The following CRB2 variants were observed in gnomAD, a reference collection of about 807,000 sequenced individuals.
CRB2 encodes the protein protein crumbs homolog 2.
In CRB2, 85 loss-of-function variants were observed where a neutral mutation model predicts 110.9. The observed-to-expected ratio is 0.77, with a 90% CI of 0.64 to 0.92. CRB2 has a LOEUF of 0.92. Ranked by LOEUF, CRB2 falls within the 40% of genes least tolerant of loss-of-function variation. The pLI, the probability that CRB2 is intolerant of heterozygous loss-of-function variation, is 0.00. For missense variants in CRB2, 1,843 were observed against 1,851.3 expected (o/e 1.00, Z 0.08); for synonymous variants, 907 against 831.0 (o/e 1.09, Z -1.57).
intron 1 of CRB2, among the ~76,000 whole-genome samples, chr9:123,358,324 A>AG (rs1016082564): frequency 6.6e-6 from 1 of 152,198 alleles, no homozygotes; most frequent in African/African-American, 2.4e-5. Flanking sequence ...AGCATCTTGG[A>AG]GTACAATGGG....
At chr9:123,366,479 G>A (rs1448949207) in intron 4 of CRB2, 113 bp downstream of exon 4, 2 of 1,289,640 alleles carry the variant, frequency 1.6e-6, no homozygotes, top group African/African-American at 1.6e-5. Context: ...TGGGTCCTCG[G>A]GACCAGAGTG....
intron 2 of CRB2, among the ~76,000 whole-genome samples, chr9:123,364,759 C>G (rs1329115913): frequency 6.6e-6 from 1 of 152,148 alleles, no homozygotes; most frequent in Non-Finnish European, 1.5e-5. Context: ...TATCTGAAAC[C>G]CTGGGACTCC....
At chr9:123,367,774 G>A in intron 6 of CRB2, 88 bp downstream of exon 6, 3 of 894,566 alleles carry the variant, frequency 3.4e-6, no homozygotes, top group Non-Finnish European at 5.2e-6. Flanking sequence ...GTGGATTGAT[G>A]GGGTCAAGGA....
chr9:123,379,685 C>G (rs542107100), downstream of CRB2: 21 of 152,430 alleles, frequency 1.4e-4, no homozygotes, highest in African/African-American at 5.0e-4. Context: ...ATTGAATGCA[C>G]ACAAAGTTCA....
Position 123,371,587 on chromosome 9 carries a change from CTGGTGGCGGTGGTGG to C in CRB2, c.2436+16_2436+30del, listed in dbSNP as rs931884641. ...CCGAGGACATGTGCAGTGTAAGTGT[CTGGTGGCGGTGGTGG>C]TGGTGGGGTGGGGAGTCCTTTTCCC... On this transcript the variant is annotated intron_variant, in intron 8 of 12. Transcript: ENST00000373631. The C allele has an allele frequency of 2.1e-5, 34 of 1,611,966 alleles. No homozygotes were observed. Among genetic ancestry groups the C allele is most frequent in the Non-Finnish European group, 2.8e-5 (33 of 1,180,014 alleles).
At position 123,374,692 on chromosome 9, in the gene CRB2, A is replaced by G. The variant is rs916789116; in HGVS notation, c.3503A>G (p.Gln1168Arg). 2 of 1,606,872 alleles carry G rather than the reference A, an allele frequency of 1.2e-6. No individual in the cohort carries two copies. The highest frequency in any genetic ancestry group is 1.7e-6 in the Non-Finnish European group (2 of 1,177,840). Residue 1168 changes from glutamine (Q) to arginine (R), a missense_variant, in exon 11 of 13, where the codon CAG becomes CGG. Coordinates refer to ENST00000373631, the MANE Select transcript of CRB2 (RefSeq NM_173689.7). ...NCSCLEGLAGQRCQVPTLPCE... is the reference protein window; with the variant it reads ...NCSCLEGLAGRRCQVPTLPCE... The stretch of plus-strand genomic sequence containing the variant: ...AGCTGCCTGGAGGGTCTTGCTGGCC[A>G]GAGGTGGGTCTGGGGGCCTGGGAAC...
rs1388070168 is a variant in CRB2 at position 123,362,963 on chromosome 9, C to T, written c.193C>T (p.Pro65Ser). Residue 65 changes from proline to serine, a missense_variant, in exon 2 of 13, where the codon CCC becomes TCC. By Grantham distance (74) the Pro-to-Ser change is moderately conservative (BLOSUM62 -1). Coordinates refer to ENST00000373631, the MANE Select transcript of CRB2 (RefSeq NM_173689.7). Reference protein sequence around the residue: ...ATESGGYTCGPMEPRGCATQP... With the variant: ...ATESGGYTCGSMEPRGCATQP... ...CGAGAGTGGTGGCTATACCTGTGGG[C>T]CCATGGAGCCCCGGGGCTGTGCCAC... 3 of 1,611,456 alleles carry T rather than the reference C, an allele frequency of 1.9e-6. No individual in the cohort carries two copies. In the South Asian group the frequency reaches 3.3e-5, roughly 18 times the overall value.
chr9:123,373,462 G>A lies in CRB2; in HGVS notation c.2931G>A (p.Leu977=). 1 of 1,455,616 alleles carries A rather than the reference G, an allele frequency of 6.9e-7. No homozygotes were observed. 90.2% of individuals were successfully genotyped at this position (1,455,616 alleles called of 1,614,324 possible). A position where few individuals can be genotyped will look rare whatever the true frequency, so the allele number is the denominator to read the frequency against. Residue 977 remains leucine (L), a synonymous_variant, in exon 10 of 13, where the codon CTG becomes CTA. Transcript: ENST00000373631. Reference sequence around the variant, plus strand: ...CCACCTCGCGCTGGCTGCTGTGGCTGGATGGTGCCGCCACCCCGGTGGCGC... The same window carrying A: ...CCACCTCGCGCTGGCTGCTGTGGCTAGATGGTGCCGCCACCCCGGTGGCGC... ...AATTSRWLLW[L]DGAATPVALR... is the part of the protein sequence containing the mutation.
intron 1 of CRB2, among the ~76,000 whole-genome samples, chr9:123,362,162 G>A (rs2041875863): frequency 6.6e-6 from 1 of 152,226 alleles, no homozygotes; most frequent in African/African-American, 2.4e-5. Context: ...GGTGGGTAGT[G>A]ATGTGGAGAA....
chr9:123,371,849 G>C (rs936071356), intron 8 of CRB2, among the ~76,000 whole-genome samples: 1 of 152,170 alleles, frequency 6.6e-6, no homozygotes, highest in Admixed American at 6.5e-5. Context: ...ATAGAGAGCT[G>C]CCTGAGCCTT....
At chr9:123,376,756 G>A (rs1488934167) in intron 12 of CRB2, 82 bp from the exon 13 acceptor site, 2 of 1,299,488 alleles carry the variant, frequency 1.5e-6, no homozygotes, top group Non-Finnish European at 1.1e-6. Flanking sequence ...GTAGGTCCTT[G>A]TGCTGCGCTC....
intron 2 of CRB2, among the ~76,000 whole-genome samples, chr9:123,364,878 G>A (rs995605565): frequency 1.3e-5 from 2 of 152,178 alleles, no homozygotes; most frequent in Non-Finnish European, 2.9e-5. Context: ...CTAAAACCAG[G>A]ACAGTGCAGG....
At chr9:123,360,726 C>G (rs1275308736) in intron 1 of CRB2, among the ~76,000 whole-genome samples, 1 of 152,186 alleles carries the variant, frequency 6.6e-6, no homozygotes, top group African/African-American at 2.4e-5. Context: ...ATTCCAGCCT[C>G]CCTTGGGCTG....
Position 123,373,374 on chromosome 9 carries a change from G to C in CRB2, c.2843G>C (p.Gly948Ala). 1 of 1,431,840 alleles carries C rather than the reference G, an allele frequency of 7.0e-7. No homozygotes were observed. Among genetic ancestry groups the C allele is most frequent in the South Asian group, 1.4e-5 (1 of 72,286 alleles). The allele number at this position is 1,431,840 out of a possible 1,614,324, so 88.7% of individuals were successfully genotyped here. Reference protein sequence around the residue: ...GLPGAVLPIPGPRVADGAWHR... With the variant: ...GLPGAVLPIPAPRVADGAWHR... ...CCCGGCGCTGTGCTGCCCATACCGGGGCCGCGCGTGGCCGATGGTGCCTGG... is the reference window on the plus strand; with the variant it reads ...CCCGGCGCTGTGCTGCCCATACCGGCGCCGCGCGTGGCCGATGGTGCCTGG... The change falls in exon 10 of 13, where the codon GGG (glycine) becomes GCG (alanine). Residue 948 changes from glycine (G) to alanine (A), a missense_variant. Coordinates refer to ENST00000373631, the MANE Select transcript of CRB2 (RefSeq NM_173689.7).
chr9:123,372,323 G>C lies in CRB2; in HGVS notation c.2583G>C (p.Glu861Asp), dbSNP rs2042028576. The C allele has an allele frequency of 1.2e-6, 2 of 1,601,712 alleles. No individual in the cohort carries two copies. Among genetic ancestry groups the C allele is most frequent in the East Asian group, 4.5e-5 (2 of 44,848 alleles). The change falls in exon 9 of 13, where the codon GAG (glutamate) becomes GAC (aspartate). Residue 861 changes from glutamate (E) to aspartate (D), a missense_variant. By Grantham distance (45) the Glu-to-Asp change is conservative (BLOSUM62 2). Transcript: ENST00000373631. ...GTCTCCCACCTGCCACGTGTGAGGA[G>C]GTCCCTGATGGCTTTGTGTGTGAGT... ...QPCLPPATCE[E>D]VPDGFVCVAE...
chr9:123,365,947 G>A lies in CRB2; in HGVS notation c.449G>A (p.Cys150Tyr). 1.9e-6 allele frequency: 3 copies of A among 1,596,644 alleles called. No homozygotes were observed. In the South Asian group the frequency reaches 3.3e-5, roughly 18 times the overall value. Residue 150 changes from cysteine to tyrosine, a missense_variant, in exon 3 of 13, where the codon TGC becomes TAC. By Grantham distance (194) the Cys-to-Tyr change is radical (BLOSUM62 -2). Coordinates refer to ENST00000373631, the MANE Select transcript of CRB2 (RefSeq NM_173689.7). ...ACCTGCGAGATGGAGGTGGACGAGTGCGCCTCAGCGCCCTGCCTGCACGGG... is the reference window on the plus strand; with the variant it reads ...ACCTGCGAGATGGAGGTGGACGAGTACGCCTCAGCGCCCTGCCTGCACGGG... ...GVTCEMEVDE[C>Y]ASAPCLHGGS...
Position 123,366,308 on chromosome 9 carries a change from C to T in CRB2, c.696C>T (p.Cys232=), listed in dbSNP as rs1352678289. Residue 232 remains cysteine, a synonymous_variant, in exon 4 of 13, where the codon TGC becomes TGT. Transcript: ENST00000373631. ...REVLECASAP[C]EHNASCLEGL... is the part of the protein sequence containing the mutation. ...TGCTGGAGTGCGCATCGGCGCCCTGCGAGCACAACGCGTCCTGCCTCGAGG... is the reference window on the plus strand; with the variant it reads ...TGCTGGAGTGCGCATCGGCGCCCTGTGAGCACAACGCGTCCTGCCTCGAGG... 5 of 1,531,508 alleles carry T rather than the reference C, an allele frequency of 3.3e-6. No individual in the cohort carries two copies. Among genetic ancestry groups the T allele is most frequent in the South Asian group, 1.2e-5 (1 of 82,230 alleles). The allele number at this position is 1,531,508 out of a possible 1,614,324, so 94.9% of individuals were successfully genotyped here. A position where few individuals can be genotyped will look rare whatever the true frequency, so the allele number is the denominator to read the frequency against.
intron 6 of CRB2, among the ~76,000 whole-genome samples, chr9:123,369,897 C>T (rs1004697422): frequency 8.6e-5 from 13 of 152,006 alleles, no homozygotes; most frequent in Non-Finnish European, 1.5e-4. Context: ...ATTAAATCTA[C>T]AGGGCCTGGA....
In CRB2 at chr9:123,371,518, G is replaced by A. The variant is rs75370841; in HGVS notation, c.2376G>A (p.Glu792=). The change falls in exon 8 of 13, where the codon GAG becomes GAA. Residue 792 remains glutamate (E), a synonymous_variant. Coordinates refer to ENST00000373631, the MANE Select transcript of CRB2 (RefSeq NM_173689.7). ...TGGATAACTCAAGCCAGCCCAGCGA[G>A]CTCGGCGGCAGGCAGTCCTGGAACC... ...LPLDNSSQPS[E]LGGRQSWNLT... 2 of 1,613,186 alleles carry A rather than the reference G, an allele frequency of 1.2e-6. No homozygotes were observed. The highest frequency in any genetic ancestry group is 1.7e-6 in the Non-Finnish European group (2 of 1,180,038).
Sources: allele counts gnomAD v4.1 joint callset (sites outside exome capture counted in the v4.1 genomes callset), GRCh38; gene constraint gnomAD v4.1.1; transcripts MANE v1.5; gene names NCBI Gene and HGNC (gene_info 2026-07-23, HGNC 2026-07-21).